Variants in WDR19 observed in about 807,000 individuals in gnomAD.
The protein encoded by WDR19 is WD repeat domain 19.
Under a neutral mutation model 180.0 loss-of-function variants are expected in WDR19, and 121 were observed. The observed-to-expected ratio is 0.67, with a 90% confidence interval of 0.58 to 0.78. The LOEUF (loss-of-function observed/expected upper bound fraction) is 0.78. Among genes scored for constraint, WDR19 ranks in the 30% least tolerant of loss-of-function variants. WDR19 has a pLI of 0.00. For synonymous variants in WDR19, 497 were observed against 540.7 expected (o/e 0.92, Z 1.12); for missense variants, 1,450 against 1,640.7 (o/e 0.88, Z 2.01).
chr4:39,220,754 C>T (rs1165027149), intron 14 of WDR19, among the ~76,000 whole-genome samples: 3 of 150,674 alleles, frequency 2.0e-5, no homozygotes, highest in East Asian at 3.9e-4. Flanking sequence ...GTGATCCACC[C>T]GCCTCAGCCT....
At chr4:39,281,771 A>G (rs1289892864) in intron 36 of WDR19, among the ~76,000 whole-genome samples, 2 of 152,184 alleles carry the variant, frequency 1.3e-5, no homozygotes, top group African/African-American at 2.4e-5. Context: ...GGGTCTTCTC[A>G]GGGTCTCTCA....
At chr4:39,255,672 A>G (rs956138762) in intron 26 of WDR19, among the ~76,000 whole-genome samples, 176 bp from the exon 27 acceptor site, 2 of 152,198 alleles carry the variant, frequency 1.3e-5, no homozygotes, top group Non-Finnish European at 2.9e-5. Flanking sequence ...GAACAGAGTT[A>G]CTATTTGGAG....
intron 24 of WDR19, among the ~76,000 whole-genome samples, chr4:39,245,951 T>A (rs946487737): frequency 6.6e-6 from 1 of 152,156 alleles, no homozygotes; most frequent in Non-Finnish European, 1.5e-5. Context: ...TAGCAATGGA[T>A]AGTTAATATC....
chr4:39,206,657 T>C (rs1174691660), intron 9 of WDR19, among the ~76,000 whole-genome samples: 1 of 152,104 alleles, frequency 6.6e-6, no homozygotes, highest in Non-Finnish European at 1.5e-5. Context: ...AACTCCTGGG[T>C]TCATCCTTAA....
At chr4:39,284,331 A>ATTTTTTTTTTTTTTTTTTTTTTTTTTT (rs143848496) in intron 36 of WDR19, among the ~76,000 whole-genome samples, 3 of 91,530 alleles carry the variant, frequency 3.3e-5, no homozygotes, top group Non-Finnish European at 2.0e-5. Context: ...AGTAAAAAAA[A>ATTTTTTTTTTTTTTTTTTTTTTTTTTT]TTTTTTTTTT....
At chr4:39,263,005 G>A (rs1317534275) in intron 28 of WDR19, among the ~76,000 whole-genome samples, 2 of 152,014 alleles carry the variant, frequency 1.3e-5, no homozygotes, top group East Asian at 3.9e-4. Flanking sequence ...CTGGTGATTC[G>A]CAGCCAGAAG....
chr4:39,273,372 C>G (rs1428707977), intron 32 of WDR19: 2 of 351,496 alleles, frequency 5.7e-6, no homozygotes, highest in African/African-American at 4.4e-5. Flanking sequence ...GAGTCCCTTC[C>G]CAGTGGAGCA....
At chr4:39,231,727 T>C in intron 17 of WDR19, 70 bp from the exon 18 acceptor site, 1 of 1,401,554 alleles carries the variant, frequency 7.1e-7, no homozygotes, top group South Asian at 1.7e-5. Context: ...TTAGATGACA[T>C]GTAGTCTGAA....
intron 7 of WDR19, among the ~76,000 whole-genome samples, chr4:39,203,987 C>A (rs1246554001): frequency 6.6e-6 from 1 of 152,020 alleles, no homozygotes; most frequent in Non-Finnish European, 1.5e-5. Flanking sequence ...ATTAGGGGTA[C>A]CTTGCAGAAC....
At chr4:39,185,848 G>T in intron 2 of WDR19, 31 bp downstream of exon 2, 4 of 1,505,882 alleles carry the variant, frequency 2.7e-6, no homozygotes, top group South Asian at 1.2e-5. Flanking sequence ...TTAAGCAGTG[G>T]TTGCATGCCC....
intron 5 of WDR19, 138 bp downstream of exon 5, chr4:39,194,797 A>G: frequency 1.6e-6 from 1 of 608,236 alleles, no homozygotes; most frequent in South Asian, 2.2e-5. Flanking sequence ...CGCAAGTCTT[A>G]CATTTAGCTA....
intron 20 of WDR19, among the ~76,000 whole-genome samples, chr4:39,236,279 A>G (rs188102875): frequency 1.2e-3 from 187 of 150,438 alleles, no homozygotes; most frequent in African/African-American, 4.2e-3. Flanking sequence ...TGTGGTATAC[A>G]CACACACACA....
chr4:39,216,109 C>T lies in WDR19; in HGVS notation c.1148C>T (p.Thr383Ile). The change falls in exon 12 of 37, where the codon ACA becomes ATA. Residue 383 changes from threonine to isoleucine, a missense_variant. Thr to Ile is a moderately conservative substitution (Grantham distance 89, BLOSUM62 -1). Transcript: ENST00000399820. ...TCTTTATTATAGGAGCTACCAATCA[C>T]AGTTTCTGTTGATGTGGAACCCAAC... ...ANPVEGELPI[T>I]VSVDVEPNFV... 1.9e-6 allele frequency: 3 copies of T among 1,586,738 alleles called. No homozygotes were observed. The highest frequency in any genetic ancestry group is 2.6e-6 in the Non-Finnish European group (3 of 1,165,962).
chr4:39,189,105 GT>G (rs1553902196), intron 3 of WDR19, among the ~76,000 whole-genome samples: 1 of 151,892 alleles, frequency 6.6e-6, no homozygotes, highest in Non-Finnish European at 1.5e-5. Flanking sequence ...GTATTTTTTA[GT>G]AGAGACGGGG....
At chr4:39,264,087 T>C (rs1330529711) in intron 28 of WDR19, among the ~76,000 whole-genome samples, 1 of 152,230 alleles carries the variant, frequency 6.6e-6, no homozygotes, top group East Asian at 1.9e-4. Context: ...TCCTGTCTAC[T>C]TGGCACCTGT....
At chr4:39,231,540 G>A (rs906515050) in intron 17 of WDR19, among the ~76,000 whole-genome samples, 8 of 152,088 alleles carry the variant, frequency 5.3e-5, no homozygotes, top group Non-Finnish European at 1.2e-4. Flanking sequence ...TAAATGAATA[G>A]GATTAGCTTA....
chr4:39,188,051 T>G (rs987107519), intron 3 of WDR19, among the ~76,000 whole-genome samples: 1 of 152,148 alleles, frequency 6.6e-6, no homozygotes, highest in African/African-American at 2.4e-5. Context: ...AAAGTATGGG[T>G]TATTTAATAC....
At chr4:39,260,320 G>A (rs1734159375) in intron 28 of WDR19, among the ~76,000 whole-genome samples, 2 of 145,810 alleles carry the variant, frequency 1.4e-5, no homozygotes, top group Non-Finnish European at 1.5e-5. Flanking sequence ...CAGCAGTAGG[G>A]CCACATCTTT....
intron 5 of WDR19, among the ~76,000 whole-genome samples, chr4:39,197,510 A>G (rs1480620815): frequency 1.3e-5 from 2 of 152,116 alleles, no homozygotes; most frequent in South Asian, 2.1e-4. Flanking sequence ...TAGTGGAGCT[A>G]AGATTCAAAG....
Sources: allele counts gnomAD v4.1 joint callset (sites outside exome capture counted in the v4.1 genomes callset), GRCh38; gene constraint gnomAD v4.1.1; transcripts MANE v1.5; gene names NCBI Gene and HGNC (gene_info 2026-07-23, HGNC 2026-07-21).